Variants in KDM7A observed in about 807,000 individuals in gnomAD.
The protein encoded by KDM7A is lysine-specific demethylase 7A.
A neutral mutation model predicts 114.8 loss-of-function variants in KDM7A; 28 were observed. That is an observed-to-expected ratio of 0.24 (90% CI 0.18 to 0.33). The LOEUF is 0.33. Among genes scored for constraint, KDM7A ranks in the 10% least tolerant of loss-of-function variants. The pLI is 1.00. For synonymous variants in KDM7A, 423 were observed against 397.8 expected, an observed-to-expected ratio of 1.06 and a Z score of -0.75; for missense variants, 942 against 1,142.5, an observed-to-expected ratio of 0.82 and a Z score of 2.53.
chr7:140,116,293 C>A (rs910019889), intron 9 of KDM7A, among the ~76,000 whole-genome samples: 9 of 151,302 alleles, frequency 5.9e-5, no homozygotes, highest in African/African-American at 2.2e-4. Flanking sequence ...TATATTCATA[C>A]AACAGAATAC....
intron 1 of KDM7A, among the ~76,000 whole-genome samples, chr7:140,158,644 GAA>G (rs1794484852): frequency 6.6e-6 from 1 of 152,164 alleles, no homozygotes; most frequent in African/African-American, 2.4e-5. Flanking sequence ...AGCTACGAAA[GAA>G]AACAGGTGAG....
intron 12 of KDM7A, among the ~76,000 whole-genome samples, chr7:140,100,715 T>TATATATATATATATATATATATATACAC (rs1818202674): frequency 1.0e-4 from 5 of 49,072 alleles, no homozygotes; most frequent in African/African-American, 2.1e-4. Flanking sequence ...TATACACATA[T>TATATATATATATATATATATATATACAC]ATATATATAT....
At chr7:140,110,413 C>A (rs1015416043) in intron 11 of KDM7A, among the ~76,000 whole-genome samples, 1 of 152,070 alleles carries the variant, frequency 6.6e-6, no homozygotes, top group Non-Finnish European at 1.5e-5. Context: ...GATATTAAAG[C>A]AAGCATTTTA....
intron 14 of KDM7A, 23 bp from the exon 15 acceptor site, chr7:140,097,665 G>A (rs767331519): frequency 1.5e-6 from 2 of 1,344,772 alleles, no homozygotes; most frequent in South Asian, 1.2e-5. Context: ...GAAAGGATGA[G>A]AAAAAGAGAA....
At chr7:140,153,513 C>T (rs1794424755) in intron 1 of KDM7A, among the ~76,000 whole-genome samples, 1 of 150,918 alleles carries the variant, frequency 6.6e-6, no homozygotes, top group Non-Finnish European at 1.5e-5. Context: ...AAAGTAATCA[C>T]ACAAGCTGAA....
chr7:140,093,763 G>T (rs1818060956), intron 18 of KDM7A, among the ~76,000 whole-genome samples: 1 of 152,158 alleles, frequency 6.6e-6, no homozygotes, highest in African/African-American at 2.4e-5. Context: ...TCTTTTCCTT[G>T]AATATTTCAT....
At chr7:140,149,070 T>C (rs1794372023) in intron 1 of KDM7A, among the ~76,000 whole-genome samples, 2 of 152,174 alleles carry the variant, frequency 1.3e-5, no homozygotes, top group African/African-American at 2.4e-5. Flanking sequence ...TCCAGAGTTA[T>C]TTCCAACCAG....
intron 11 of KDM7A, among the ~76,000 whole-genome samples, chr7:140,108,557 T>C (rs1818380625): frequency 6.6e-6 from 1 of 152,218 alleles, no homozygotes; most frequent in Admixed American, 6.5e-5. Context: ...TCCAGACCGT[T>C]TGCCTGGGTA....
chr7:140,105,715 A>G (rs1585141968), intron 11 of KDM7A, among the ~76,000 whole-genome samples: 1 of 152,334 alleles, frequency 6.6e-6, no homozygotes, highest in South Asian at 2.1e-4. Flanking sequence ...GATTTCTTGC[A>G]TCGATGTTCA....
chr7:140,095,005 G>A (rs1040607796), intron 17 of KDM7A, among the ~76,000 whole-genome samples: 1 of 152,052 alleles, frequency 6.6e-6, no homozygotes, highest in East Asian at 1.9e-4. Flanking sequence ...GCGCCACCAC[G>A]CCCGGCTAAT....
chr7:140,167,682 A>G (rs1348082684), intron 1 of KDM7A, among the ~76,000 whole-genome samples: 1 of 152,112 alleles, frequency 6.6e-6, no homozygotes, highest in African/African-American at 2.4e-5. Context: ...AGAAAAAAAC[A>G]CAGGAAAAAA....
intron 1 of KDM7A, among the ~76,000 whole-genome samples, chr7:140,163,719 A>G (rs1282352900): frequency 6.6e-6 from 1 of 152,150 alleles, no homozygotes; most frequent in Non-Finnish European, 1.5e-5. Context: ...TACATATTAA[A>G]TTATATTCCT....
intron 2 of KDM7A, among the ~76,000 whole-genome samples, chr7:140,136,083 C>T (rs1221006267): frequency 6.6e-6 from 1 of 152,126 alleles, no homozygotes; most frequent in African/African-American, 2.4e-5. Flanking sequence ...TCTCAGCAAC[C>T]CCAGTAGTTA....
At chr7:140,133,177 C>T (rs1436552290) in intron 3 of KDM7A, among the ~76,000 whole-genome samples, 2 of 152,062 alleles carry the variant, frequency 1.3e-5, no homozygotes, top group Non-Finnish European at 2.9e-5. Context: ...GAAGGTGAGG[C>T]AAAAGAAACA....
intron 1 of KDM7A, among the ~76,000 whole-genome samples, chr7:140,171,170 A>G (rs1794634308): frequency 6.6e-6 from 1 of 152,096 alleles, no homozygotes; most frequent in South Asian, 2.1e-4. Flanking sequence ...CAAGATCAAG[A>G]TAAAGAATAT....
At chr7:140,122,733 A>G (rs1207684743) in intron 7 of KDM7A, among the ~76,000 whole-genome samples, 4 of 152,212 alleles carry the variant, frequency 2.6e-5, no homozygotes, top group African/African-American at 9.6e-5. Flanking sequence ...GGCTACAGCT[A>G]AGGCTGATAC....
At chr7:140,133,128 T>C (rs940314113) in intron 3 of KDM7A, among the ~76,000 whole-genome samples, 4 of 152,104 alleles carry the variant, frequency 2.6e-5, no homozygotes, top group South Asian at 2.1e-4. Context: ...GAGATGCATA[T>C]AAAAGCAATG....
chr7:140,140,311 T>A (rs1794251945), intron 1 of KDM7A, among the ~76,000 whole-genome samples: 1 of 152,200 alleles, frequency 6.6e-6, no homozygotes, highest in African/African-American at 2.4e-5. Flanking sequence ...AAATATCATA[T>A]GACCATTTAA....
chr7:140,125,597 C>T (rs1307595585), intron 6 of KDM7A, among the ~76,000 whole-genome samples: 4 of 152,194 alleles, frequency 2.6e-5, no homozygotes, highest in South Asian at 2.1e-4. Flanking sequence ...GATAGGGTCT[C>T]GCTCTGTTGC....
Sources: allele counts gnomAD v4.1 joint callset (sites outside exome capture counted in the v4.1 genomes callset), GRCh38; gene constraint gnomAD v4.1.1; transcripts MANE v1.5; gene names NCBI Gene and HGNC (gene_info 2026-07-23, HGNC 2026-07-21).